Variants in CD244 observed in about 807,000 individuals in gnomAD.
CD244 encodes the protein CD244 molecule.
CD244 carries 20 observed loss-of-function variants against 45.5 expected under a neutral mutation model. That is an observed-to-expected ratio of 0.44 (90% confidence interval 0.31 to 0.64). CD244 has a LOEUF of 0.64. Among genes scored for constraint, CD244 ranks in the 30% least tolerant of loss-of-function variants. The probability of loss-of-function intolerance (pLI) is 0.08; values close to 1 mark genes in which losing one functional copy is unlikely to be tolerated. For missense variants in CD244, 407 were observed against 426.9 expected (o/e 0.95, Z 0.41); for synonymous variants, 185 against 160.5 (o/e 1.15, Z -1.15).
intron 5 of CD244, among the ~76,000 whole-genome samples, chr1:160,836,739 C>T (rs150704826): frequency 5.9e-5 from 9 of 152,246 alleles, no homozygotes; most frequent in African/African-American, 1.9e-4. Context: ...ACCCAAGGGC[C>T]AAAGCAGGAA....
At chr1:160,854,670 C>A (rs1670043461) in intron 1 of CD244, among the ~76,000 whole-genome samples, 1 of 152,030 alleles carries the variant, frequency 6.6e-6, no homozygotes, top group Non-Finnish European at 1.5e-5. Flanking sequence ...CTGGCGTGAG[C>A]CACCACTCCC....
intron 6 of CD244, among the ~76,000 whole-genome samples, chr1:160,834,692 T>A (rs369475762): frequency 3.3e-5 from 5 of 152,200 alleles, no homozygotes; most frequent in Non-Finnish European, 7.3e-5. Context: ...ATAAGAATGA[T>A]CATAATTTGC....
At chr1:160,855,896 C>T (rs1557844595) in intron 1 of CD244, among the ~76,000 whole-genome samples, 4 of 152,202 alleles carry the variant, frequency 2.6e-5, no homozygotes, top group African/African-American at 7.2e-5. Context: ...AGCAGTGAGT[C>T]CCGCTCAGCC....
At chr1:160,854,288 T>A (rs1447828112) in intron 1 of CD244, among the ~76,000 whole-genome samples, 1 of 152,190 alleles carries the variant, frequency 6.6e-6, no homozygotes, top group Non-Finnish European at 1.5e-5. Flanking sequence ...TAGATCAGAA[T>A]GTAGAGCGCT....
intron 1 of CD244, among the ~76,000 whole-genome samples, chr1:160,862,054 T>C (rs1420022322): frequency 2.6e-5 from 4 of 152,138 alleles, no homozygotes; most frequent in African/African-American, 9.7e-5. Flanking sequence ...TGTCTCCTTC[T>C]TCTGCCCCAA....
At chr1:160,832,870 G>GTATATATATATATATATATATATA (rs1553194340) in intron 7 of CD244, among the ~76,000 whole-genome samples, 1 of 117,850 alleles carries the variant, frequency 8.5e-6, no homozygotes, top group Non-Finnish European at 2.0e-5. Flanking sequence ...GTGTGTGTGT[G>GTATATATATATATATATATATATA]TATATATATA....
chr1:160,861,169 C>T (rs1009230640), intron 1 of CD244, among the ~76,000 whole-genome samples: 3 of 151,474 alleles, frequency 2.0e-5, no homozygotes, highest in Non-Finnish European at 2.9e-5. Context: ...CAGGTTCCAA[C>T]CTAGCTCTCC....
intron 6 of CD244, 74 bp downstream of exon 6, chr1:160,836,121 G>A: frequency 1.9e-6 from 2 of 1,077,352 alleles, no homozygotes; most frequent in Admixed American, 1.7e-5. Context: ...GCCATTCAAT[G>A]GTGTGAGTTT....
At chr1:160,848,216 C>T (rs1669802156) in intron 1 of CD244, 4 of 543,622 alleles carry the variant, frequency 7.4e-6, no homozygotes. Flanking sequence ...CATCACACAC[C>T]ATAATGGCAC....
At chr1:160,839,084 C>A in intron 3 of CD244, 35 bp from the exon 4 acceptor site, 1 of 1,484,440 alleles carries the variant, frequency 6.7e-7, no homozygotes, top group South Asian at 1.2e-5. Context: ...ACTGAGCTGT[C>A]AGCTCGCTCT....
intron 1 of CD244, among the ~76,000 whole-genome samples, chr1:160,860,144 G>A (rs904051337): frequency 3.9e-5 from 6 of 152,108 alleles, no homozygotes; most frequent in African/African-American, 1.4e-4. Flanking sequence ...GGGAGCAGAA[G>A]TTGCAGTGAG....
intron 1 of CD244, among the ~76,000 whole-genome samples, chr1:160,844,948 G>A (rs1431942580): frequency 6.6e-6 from 1 of 151,972 alleles, no homozygotes; most frequent in African/African-American, 2.4e-5. Context: ...CTGCACTCTA[G>A]CCTGCATGAC....
chr1:160,831,015 C>T lies in CD244; in HGVS notation c.*332G>A, dbSNP rs970389815. 1.0e-5 allele frequency: 2 copies of T among 196,088 alleles called. No homozygotes were observed. Among genetic ancestry groups the T allele is most frequent in the African/African-American group, 4.7e-5 (2 of 42,812 alleles). 12.1% of individuals were successfully genotyped at this position (196,088 alleles called of 1,614,324 possible). A position where few individuals can be genotyped will look rare whatever the true frequency, so the allele number is the denominator to read the frequency against. On this transcript the variant is annotated 3_prime_UTR_variant, in exon 9 of 9. Coordinates refer to ENST00000368034, the MANE Select transcript of CD244 (RefSeq NM_016382.4). ...GGGGAGAAAAGGAAACAAGTGACAG[C>T]TTGAAAATCAGGTGGAGGGAATCTC...
intron 1 of CD244, among the ~76,000 whole-genome samples, chr1:160,855,875 C>T (rs756601815): frequency 6.6e-6 from 1 of 152,196 alleles, no homozygotes; most frequent in African/African-American, 2.4e-5. Context: ...GTGAAGGAGA[C>T]AATCTGATCC....
intron 6 of CD244, among the ~76,000 whole-genome samples, chr1:160,834,472 C>T (rs1024422066): frequency 6.6e-6 from 1 of 152,172 alleles, no homozygotes; most frequent in East Asian, 1.9e-4. Flanking sequence ...TCTCCTGCCC[C>T]AGCCTCCTGA....
chr1:160,849,283 C>CTTTTTTTTTTT (rs371170555), intron 1 of CD244, among the ~76,000 whole-genome samples: 47 of 139,252 alleles, frequency 3.4e-4, no homozygotes, highest in East Asian at 4.2e-4. Context: ...CCATCTCTTT[C>CTTTTTTTTTTT]TTTTTTTTTT....
intron 1 of CD244, among the ~76,000 whole-genome samples, chr1:160,849,657 T>C (rs1669852548): frequency 6.6e-6 from 1 of 152,214 alleles, no homozygotes; most frequent in Admixed American, 6.5e-5. Context: ...TTACCTCTTT[T>C]AATCAACATT....
At chr1:160,855,857 A>G (rs936005693) in intron 1 of CD244, among the ~76,000 whole-genome samples, 7 of 152,346 alleles carry the variant, frequency 4.6e-5, no homozygotes, top group African/African-American at 1.7e-4. Context: ...AGACAAGTAC[A>G]GAGGATGGTG....
chr1:160,833,832 C>T (rs569875578), intron 7 of CD244, among the ~76,000 whole-genome samples: 8 of 152,318 alleles, frequency 5.3e-5, no homozygotes, highest in Admixed American at 1.3e-4. Context: ...GTCTACTGTT[C>T]TCTTAGTCTA....
Sources: allele counts gnomAD v4.1 joint callset (sites outside exome capture counted in the v4.1 genomes callset), GRCh38; gene constraint gnomAD v4.1.1; transcripts MANE v1.5; gene names NCBI Gene and HGNC (gene_info 2026-07-23, HGNC 2026-07-21).